The following RAPH1 variants were observed in gnomAD, a reference collection of about 807,000 sequenced individuals.
The protein encoded by RAPH1 is ras-associated and pleckstrin homology domains-containing protein 1.
Under a neutral mutation model 88.1 loss-of-function variants are expected in RAPH1, and 18 were observed. The observed-to-expected ratio is 0.20, with a 90% CI of 0.14 to 0.30. The LOEUF (loss-of-function observed/expected upper bound fraction) is 0.30. Ranked by LOEUF, RAPH1 falls within the 10% of genes least tolerant of loss-of-function variation. RAPH1 has a pLI of 1.00. For missense variants in RAPH1, 1,448 were observed against 1,543.2 expected, an observed-to-expected ratio of 0.94 and a Z score of 1.03; for synonymous variants, 587 against 559.0, an observed-to-expected ratio of 1.05 and a Z score of -0.71.
chr2:203,484,109 A>T (rs1472751481), intron 4 of RAPH1, among the ~76,000 whole-genome samples: 1 of 152,166 alleles, frequency 6.6e-6, no homozygotes, highest in East Asian at 1.9e-4. Flanking sequence ...ATAATACACA[A>T]TTAGACATCC....
At chr2:203,444,383 G>C (rs543356553) in intron 13 of RAPH1, 1 of 133,052 alleles carries the variant, frequency 7.5e-6, no homozygotes, top group East Asian at 2.3e-4. Context: ...AGTGAGCTGA[G>C]ATCACGCCAC....
intron 1 of RAPH1, among the ~76,000 whole-genome samples, chr2:203,498,482 A>G (rs1688609531): frequency 6.6e-6 from 1 of 152,174 alleles, no homozygotes; most frequent in Non-Finnish European, 1.5e-5. Context: ...TATCATTCCC[A>G]TTTTATAAAT....
intron 1 of RAPH1, among the ~76,000 whole-genome samples, chr2:203,510,089 A>G (rs1689269481): frequency 6.6e-6 from 1 of 152,186 alleles, no homozygotes; most frequent in Non-Finnish European, 1.5e-5. Context: ...CCTAATACAT[A>G]CAACCAAAAA....
Position 203,440,902 on chromosome 2 carries a change from G to C in RAPH1, c.2288C>G (p.Pro763Arg). The C allele has an allele frequency of 6.7e-7, 1 of 1,493,576 alleles. No individual in the cohort carries two copies. The allele number at this position is 1,493,576 out of a possible 1,614,324, so 92.5% of individuals were successfully genotyped here. Reference sequence around the variant, plus strand: ...TGCAGGGATAGGAGGAGGTGGGGGGGGTGTTGGGGGAGCCACCTGAGTAAT... The same window carrying C: ...TGCAGGGATAGGAGGAGGTGGGGGGCGTGTTGGGGGAGCCACCTGAGTAAT... ...QHITQVAPPTPPPPPPIPAPL... is the reference protein window; with the variant it reads ...QHITQVAPPTRPPPPPIPAPL... The change falls in exon 14 of 14, where the codon CCC (proline) becomes CGC (arginine). Residue 763 changes from proline to arginine, a missense_variant. Physicochemically the swap from Pro to Arg is moderately radical, Grantham distance 103. This residue lies in a region of RAPH1 where 935 missense variants were observed against 890.1 expected (regional missense o/e 1.05). Coordinates refer to ENST00000319170, the MANE Select transcript of RAPH1 (RefSeq NM_213589.3).
In RAPH1 at chr2:203,441,183, T is replaced by G. The variant is rs749241916; in HGVS notation, c.2007A>C (p.Thr669=). ...SAAPMFVKYS[T]ITRLQNASQH... is the part of the protein sequence containing the mutation. ...GAGACGCATTCTGTAGCCGTGTTAT[T>G]GTGCTGTACTTGACGAACATTGGGG... Residue 669 remains threonine (T), a synonymous_variant, in exon 14 of 14, where the codon ACA becomes ACC. Transcript: ENST00000319170. 4 of 1,610,094 alleles carry G rather than the reference T, an allele frequency of 2.5e-6. No homozygotes were observed. In the African/African-American group the frequency reaches 5.4e-5, roughly 22 times the overall value.
At chr2:203,489,513 A>C in intron 4 of RAPH1, 71 bp downstream of exon 4, 1 of 1,134,416 alleles carries the variant, frequency 8.8e-7, no homozygotes, top group Non-Finnish European at 1.2e-6. Flanking sequence ...GAAGTTAATT[A>C]AAATTATTTT....
chr2:203,513,465 C>T (rs1689453216), intron 1 of RAPH1, among the ~76,000 whole-genome samples: 1 of 134,148 alleles, frequency 7.5e-6, no homozygotes, highest in African/African-American at 2.9e-5. Flanking sequence ...TGCCATTCTC[C>T]TGCCTCAGCC....
intron 8 of RAPH1, among the ~76,000 whole-genome samples, chr2:203,456,781 C>A (rs993284796): frequency 6.6e-6 from 1 of 151,950 alleles, no homozygotes; most frequent in Non-Finnish European, 1.5e-5. Flanking sequence ...GATTTTAGTT[C>A]TATAAAATCA....
intron 1 of RAPH1, among the ~76,000 whole-genome samples, chr2:203,510,335 CAAAAAAAAAA>C (rs33911103): frequency 3.1e-4 from 12 of 38,118 alleles, no homozygotes; most frequent in Middle Eastern, 0.022. Context: ...AACTCCATCT[CAAAAAAAAAA>C]AAAAAAAAAA....
chr2:203,479,295 G>A (rs1455507082), intron 4 of RAPH1, among the ~76,000 whole-genome samples: 1 of 151,920 alleles, frequency 6.6e-6, no homozygotes, highest in Non-Finnish European at 1.5e-5. Context: ...ATGCTTACTG[G>A]CTAAACTTTC....
chr2:203,434,056 C>CTATCTATCTATATA lies in RAPH1; in HGVS notation c.*5380_*5381insTATATAGATAGATA, dbSNP rs1488308709. ...CTCTCTCATATATCTATCTATCTAT[C>CTATCTATCTATATA]TATATATATATATATATATATATAG... On this transcript the variant is annotated 3_prime_UTR_variant, in exon 14 of 14. Coordinates refer to ENST00000319170, the MANE Select transcript of RAPH1 (RefSeq NM_213589.3). 1.3e-4 allele frequency: 19 copies of CTATCTATCTATATA among 145,646 alleles called. No individual in the cohort carries two copies. Among genetic ancestry groups the CTATCTATCTATATA allele is most frequent in the African/African-American group, 4.6e-4 (18 of 39,222 alleles). 9.0% of individuals were successfully genotyped at this position (145,646 alleles called of 1,614,324 possible). A position where few individuals can be genotyped will look rare whatever the true frequency, so the allele number is the denominator to read the frequency against.
chr2:203,450,339 GT>G (rs1470346963), intron 10 of RAPH1, among the ~76,000 whole-genome samples: 1 of 152,158 alleles, frequency 6.6e-6, no homozygotes, highest in East Asian at 1.9e-4. Context: ...GTTATAGTCA[GT>G]TTTAAACAAT....
intron 4 of RAPH1, among the ~76,000 whole-genome samples, chr2:203,471,341 A>G (rs568549925): frequency 2.0e-5 from 3 of 152,260 alleles, no homozygotes; most frequent in Admixed American, 2.0e-4. Context: ...AGCACCCCCT[A>G]TAAGAAAGTA....
chr2:203,521,874 A>G (rs1689890370), intron 1 of RAPH1, among the ~76,000 whole-genome samples: 1 of 152,176 alleles, frequency 6.6e-6, no homozygotes. Context: ...AACTGTAGTC[A>G]TTTCTGGATA....
intron 7 of RAPH1, among the ~76,000 whole-genome samples, chr2:203,459,695 G>A (rs2098522809): frequency 6.6e-6 from 1 of 152,112 alleles, no homozygotes; most frequent in Non-Finnish European, 1.5e-5. Flanking sequence ...GGAGGACTGG[G>A]AACCTCTTTA....
chr2:203,500,984 T>C (rs555155104), intron 1 of RAPH1, among the ~76,000 whole-genome samples: 1 of 152,174 alleles, frequency 6.6e-6, no homozygotes, highest in South Asian at 2.1e-4. Flanking sequence ...ACACCTCCTA[T>C]GCTGTTCTAA....
intron 1 of RAPH1, among the ~76,000 whole-genome samples, chr2:203,499,438 C>A (rs74596311): frequency 4.0e-5 from 6 of 150,932 alleles, no homozygotes; most frequent in Non-Finnish European, 7.4e-5. Context: ...AAAAAAAAAA[C>A]TGGCCGGGTG....
chr2:203,490,596 G>A (rs1295643446), intron 3 of RAPH1, among the ~76,000 whole-genome samples: 2 of 152,134 alleles, frequency 1.3e-5, no homozygotes, highest in Admixed American at 6.5e-5. Context: ...ACTTTAATCC[G>A]GTGAGAAAAC....
intron 4 of RAPH1, among the ~76,000 whole-genome samples, chr2:203,474,801 T>C (rs1470817787): frequency 6.6e-6 from 1 of 152,236 alleles, no homozygotes; most frequent in Non-Finnish European, 1.5e-5. Flanking sequence ...ATACTACTGT[T>C]GTCATATTTA....
Sources: gnomAD v4.1 joint callset for allele counts (sites outside exome capture counted in the v4.1 genomes callset) on GRCh38, gnomAD v4.1.1 for gene constraint, gnomAD v4.1.1 regional missense constraint, MANE v1.5 for transcripts, NCBI Gene and HGNC (gene_info 2026-07-23, HGNC 2026-07-21) for gene names.